Variants in PRR16 observed in about 807,000 individuals in gnomAD.
PRR16 encodes the protein proline rich 16.
In PRR16, 6 loss-of-function variants were observed where a neutral mutation model predicts 18.2. That is an observed-to-expected ratio of 0.33 (90% CI 0.18 to 0.65). PRR16 has a LOEUF of 0.65. Ranked by LOEUF, PRR16 falls within the 30% of genes least tolerant of loss-of-function variation. PRR16 has a pLI of 0.74. For missense variants in PRR16, 412 were observed against 376.6 expected, an observed-to-expected ratio of 1.09 and a Z score of -0.78; for synonymous variants, 151 against 147.8, an observed-to-expected ratio of 1.02 and a Z score of -0.16.
At chr5:120,512,062 G>A (rs1468650152) in intron 1 of PRR16, among the ~76,000 whole-genome samples, 3 of 120,340 alleles carry the variant, frequency 2.5e-5, no homozygotes, top group Admixed American at 1.6e-4. Context: ...GGAACCCTGA[G>A]AGGAAAGGCA....
At chr5:120,539,028 G>A (rs1225364722) in intron 1 of PRR16, among the ~76,000 whole-genome samples, 1 of 152,180 alleles carries the variant, frequency 6.6e-6, no homozygotes, top group African/African-American at 2.4e-5. Flanking sequence ...TCCAAGGACA[G>A]AGAAGGTACT....
At chr5:120,557,428 C>T (rs1454228128) in intron 1 of PRR16, among the ~76,000 whole-genome samples, 1 of 151,866 alleles carries the variant, frequency 6.6e-6, no homozygotes, top group African/African-American at 2.4e-5. Flanking sequence ...CTTCTACTTA[C>T]ATGATATTTG....
intron 1 of PRR16, among the ~76,000 whole-genome samples, chr5:120,618,932 A>T (rs1015535969): frequency 6.6e-6 from 1 of 152,000 alleles, no homozygotes; most frequent in Non-Finnish European, 1.5e-5. Flanking sequence ...CATAGTGTCC[A>T]TGTATTCTGT....
chr5:120,509,437 T>C (rs1395734186), intron 1 of PRR16, among the ~76,000 whole-genome samples: 3 of 152,132 alleles, frequency 2.0e-5, no homozygotes, highest in Non-Finnish European at 4.4e-5. Flanking sequence ...TATAGTCACA[T>C]GCTAGAATGT....
chr5:120,622,757 G>A (rs531288640), intron 1 of PRR16, among the ~76,000 whole-genome samples: 251 of 152,062 alleles, frequency 1.7e-3, no homozygotes, highest in African/African-American at 5.8e-3. Context: ...GATTACAGAC[G>A]TGAGCCACCA....
intron 1 of PRR16, among the ~76,000 whole-genome samples, chr5:120,519,397 C>T (rs767376855): frequency 1.1e-4 from 16 of 152,132 alleles, no homozygotes; most frequent in Non-Finnish European, 1.6e-4. Flanking sequence ...GCTTCTTAGA[C>T]GTGAACTGAT....
chr5:120,654,825 C>G (rs989052363), intron 1 of PRR16, among the ~76,000 whole-genome samples: 3 of 150,866 alleles, frequency 2.0e-5, no homozygotes, highest in African/African-American at 7.3e-5. Flanking sequence ...CAGTACAAGA[C>G]AGAAATAGAA....
intron 1 of PRR16, among the ~76,000 whole-genome samples, chr5:120,518,817 C>G (rs1431905711): frequency 1.3e-5 from 2 of 152,054 alleles, no homozygotes; most frequent in Non-Finnish European, 2.9e-5. Flanking sequence ...TTCCCCTTGC[C>G]TCTTTTCCCC....
chr5:120,667,302 C>T (rs1756420733), intron 1 of PRR16, among the ~76,000 whole-genome samples: 1 of 150,094 alleles, frequency 6.7e-6, no homozygotes, highest in African/African-American at 2.4e-5. Flanking sequence ...GTGGTGATAT[C>T]CCCTTTATCA....
chr5:120,582,198 C>A (rs1753294935), intron 1 of PRR16, among the ~76,000 whole-genome samples: 1 of 152,012 alleles, frequency 6.6e-6, no homozygotes, highest in Admixed American at 6.6e-5. Flanking sequence ...AGAACTAACT[C>A]AGAAACAGAA....
chr5:120,711,683 G>A, the PRR16 span, among the ~76,000 whole-genome samples: 1 of 152,156 alleles, frequency 6.6e-6, no homozygotes, highest in African/African-American at 2.4e-5. Flanking sequence ...AAGCTGTGCT[G>A]TACAAAGTCC....
At chr5:120,759,135 C>T in the PRR16 span, among the ~76,000 whole-genome samples, 1 of 151,940 alleles carries the variant, frequency 6.6e-6, no homozygotes, top group East Asian at 1.9e-4. Context: ...CGCCACCATG[C>T]CTGGCTAATT....
At chr5:120,736,817 A>C in the PRR16 span, among the ~76,000 whole-genome samples, 1 of 151,904 alleles carries the variant, frequency 6.6e-6, no homozygotes, top group South Asian at 2.1e-4. Context: ...TCATTAGTTC[A>C]GTTTATTCAT....
chr5:120,509,459 C>T (rs147103891), intron 1 of PRR16, among the ~76,000 whole-genome samples: 2 of 152,132 alleles, frequency 1.3e-5, no homozygotes, highest in East Asian at 3.9e-4. Flanking sequence ...TGCTTGGTTG[C>T]TGAGGTTCTG....
chr5:120,648,896 T>C (rs1755685619), intron 1 of PRR16, among the ~76,000 whole-genome samples: 2 of 152,158 alleles, frequency 1.3e-5, no homozygotes, highest in Admixed American at 1.3e-4. Flanking sequence ...AGAGCACACC[T>C]TTATATGGAA....
At chr5:120,664,254 G>A (rs1431779347) in intron 1 of PRR16, among the ~76,000 whole-genome samples, 8 of 151,836 alleles carry the variant, frequency 5.3e-5, no homozygotes, top group African/African-American at 1.7e-4. Context: ...AGCTGAGATC[G>A]CACCATTGCA....
At chr5:120,603,663 A>G (rs1394057170) in intron 1 of PRR16, among the ~76,000 whole-genome samples, 1 of 151,752 alleles carries the variant, frequency 6.6e-6, no homozygotes, top group African/African-American at 2.4e-5. Flanking sequence ...TTAACTTGAT[A>G]ACTTTCTAAC....
chr5:120,599,783 C>T (rs917830748), intron 1 of PRR16, among the ~76,000 whole-genome samples: 1 of 151,756 alleles, frequency 6.6e-6, no homozygotes, highest in South Asian at 2.1e-4. Flanking sequence ...AGTTTAGAAC[C>T]AAGTCTTTCC....
the PRR16 span, among the ~76,000 whole-genome samples, chr5:120,714,492 ATGC>A: frequency 2.0e-5 from 3 of 152,132 alleles, no homozygotes; most frequent in African/African-American, 7.2e-5. Context: ...AGAACAATAG[ATGC>A]TGGTGAGGTT....
Sources: allele counts gnomAD v4.1 joint callset (sites outside exome capture counted in the v4.1 genomes callset), GRCh38; gene constraint gnomAD v4.1.1; transcripts MANE v1.5; gene names NCBI Gene and HGNC (gene_info 2026-07-23, HGNC 2026-07-21).